Variants in IQSEC1 observed in about 807,000 individuals in gnomAD.
IQSEC1 encodes IQ motif and Sec7 domain ArfGEF 1, also known as IQ motif and SEC7 domain-containing protein 1.
In IQSEC1, 31 loss-of-function variants were observed where a neutral mutation model predicts 91.0. The ratio of observed to expected loss-of-function variants is 0.34; its 90% CI spans 0.26 to 0.46. The LOEUF is 0.46. IQSEC1 is among the 20% of genes least tolerant of loss of function. The pLI, the probability that IQSEC1 is intolerant of heterozygous loss-of-function variation, is 1.00. For synonymous variants in IQSEC1, 699 were observed against 662.6 expected (o/e 1.05, Z -0.84); for missense variants, 1,388 against 1,575.6 (o/e 0.88, Z 2.02).
intron 1 of IQSEC1, among the ~76,000 whole-genome samples, chr3:13,210,338 T>C (rs892999524): frequency 1.3e-5 from 2 of 152,126 alleles, no homozygotes; most frequent in African/African-American, 4.8e-5. Flanking sequence ...CCAGTTCGGC[T>C]TCTCATCTAG....
At chr3:12,966,472 A>C (rs182146766) in intron 1 of IQSEC1, among the ~76,000 whole-genome samples, 4 of 152,332 alleles carry the variant, frequency 2.6e-5, no homozygotes, top group African/African-American at 9.6e-5. Context: ...AAGGGCCTGC[A>C]GATAGCTCAG....
chr3:12,938,551 C>T (rs1056146766), intron 2 of IQSEC1, among the ~76,000 whole-genome samples: 1 of 152,314 alleles, frequency 6.6e-6, no homozygotes. Context: ...TGTTACTGAA[C>T]GCCATCCAAG....
chr3:12,991,921 C>T (rs907595592), intron 1 of IQSEC1, among the ~76,000 whole-genome samples: 3 of 152,082 alleles, frequency 2.0e-5, no homozygotes, highest in African/African-American at 7.2e-5. Context: ...GCTGGAAGGG[C>T]GGGCTGCCAT....
intron 1 of IQSEC1, among the ~76,000 whole-genome samples, chr3:13,011,722 C>T (rs1702891059): frequency 6.6e-6 from 1 of 152,268 alleles, no homozygotes. Flanking sequence ...ACATTTCACA[C>T]CCCTGTTCTG....
chr3:13,099,038 G>A lies in IQSEC1; in HGVS notation c.303-51516C>T, dbSNP rs370025734. ...AAGACATTGGGATAAGAGGACTTTC[G>A]GGGGATGGGGGGAACAGGCCGGGTG... On this transcript the variant is annotated intron_variant, in intron 2 of 15. Coordinates refer to the IQSEC1 transcript ENST00000648114. Among the ~76,000 whole-genome samples the A allele has an allele frequency of 2.0e-3, 309 of 152,322 alleles. 16 individuals carry two copies. The South Asian group carries it at 0.062, about 31-fold the overall frequency.
chr3:13,081,561 G>A (rs1428786621), intron 2 of IQSEC1, among the ~76,000 whole-genome samples: 1 of 152,202 alleles, frequency 6.6e-6, no homozygotes, highest in Non-Finnish European at 1.5e-5. Context: ...GAGCCACCAT[G>A]CCTGGCCTCA....
chr3:13,177,176 T>C (rs1304533318), intron 1 of IQSEC1, among the ~76,000 whole-genome samples: 2 of 152,212 alleles, frequency 1.3e-5, no homozygotes, highest in Non-Finnish European at 2.9e-5. Flanking sequence ...GATTACACAC[T>C]TTAAAAGGGC....
Position 12,922,055 on chromosome 3 carries a change from G to A in IQSEC1, c.1853+65C>T, listed in dbSNP as rs746428201. On this transcript the variant is annotated intron_variant, in intron 5 of 13. Coordinates refer to ENST00000613206, the MANE Select transcript of IQSEC1 (RefSeq NM_001134382.3). This position sits in a 1 kb window ranked among gnomAD's most constrained non-coding sequence, Gnocchi z 5.1. ...GGGATGCAGTCTTTGGTCCATCCTC[G>A]GGCCCTGAAGCTGGGGGACACCATT... The A allele has an allele frequency of 8.0e-6, 12 of 1,494,088 alleles. No homozygotes were observed. Among genetic ancestry groups the A allele is most frequent in the East Asian group, 2.5e-5 (1 of 40,502 alleles). 92.6% of individuals were successfully genotyped at this position (1,494,088 alleles called of 1,614,324 possible).
intron 1 of IQSEC1, among the ~76,000 whole-genome samples, chr3:12,952,987 C>T (rs747199560): frequency 6.6e-6 from 1 of 152,212 alleles, no homozygotes; most frequent in African/African-American, 2.4e-5. Flanking sequence ...GGCACACCAC[C>T]GGAGGCAGAA....
intron 2 of IQSEC1, among the ~76,000 whole-genome samples, chr3:13,133,388 C>T (rs906247447): frequency 1.3e-5 from 2 of 152,254 alleles, no homozygotes; most frequent in Non-Finnish European, 2.9e-5. Flanking sequence ...ATTCCATCAC[C>T]ATGCTCTGGG....
chr3:12,964,797 CCAGA>C (rs924743397), intron 1 of IQSEC1, among the ~76,000 whole-genome samples: 14 of 152,222 alleles, frequency 9.2e-5, no homozygotes, highest in African/African-American at 2.9e-4. Context: ...TATGCAGAGT[CCAGA>C]CAGATAAAAC....
At chr3:13,247,160 G>A (rs994773010) in intron 1 of IQSEC1, among the ~76,000 whole-genome samples, 2 of 152,054 alleles carry the variant, frequency 1.3e-5, no homozygotes, top group African/African-American at 2.4e-5. Context: ...TGCAGGGGAC[G>A]GTTGCTAACT....
chr3:12,945,548 T>C (rs1163107522), intron 1 of IQSEC1, among the ~76,000 whole-genome samples: 1 of 129,598 alleles, frequency 7.7e-6, no homozygotes, highest in Non-Finnish European at 1.7e-5. Context: ...AAAAAAAAAA[T>C]CAAACCCAAC....
chr3:13,200,002 CCA>C (rs1218941694), intron 1 of IQSEC1, among the ~76,000 whole-genome samples: 15 of 150,492 alleles, frequency 1.0e-4, no homozygotes, highest in Non-Finnish European at 1.9e-4. Context: ...CATGCACACA[CCA>C]CACACACACG....
At chr3:13,233,489 C>A (rs1043284176) in intron 1 of IQSEC1, among the ~76,000 whole-genome samples, 2 of 152,234 alleles carry the variant, frequency 1.3e-5, no homozygotes, top group African/African-American at 2.4e-5. Flanking sequence ...CACCTGGGAG[C>A]CTCCTGTGGC....
chr3:13,006,418 C>T (rs1429522121), intron 1 of IQSEC1, among the ~76,000 whole-genome samples: 3 of 152,134 alleles, frequency 2.0e-5, no homozygotes, highest in African/African-American at 7.2e-5. Flanking sequence ...CTAAGGGGAC[C>T]CCCATGTGAG....
intron 1 of IQSEC1, among the ~76,000 whole-genome samples, chr3:13,045,606 C>T (rs143140557): frequency 2.1e-4 from 32 of 152,324 alleles, no homozygotes; most frequent in African/African-American, 6.7e-4. Flanking sequence ...ACCTGCTAGG[C>T]CCCCACACAT....
rs1695821462 is a variant in IQSEC1, at chr3:13,282,838, C to A, written c.145G>T (p.Glu49Ter). ...TGTCGCTCCAGCAGGCCGGCGTTCTCCCGGCTCAGCCGCGCCACTTGGCGC... is the reference window on the plus strand; with the variant it reads ...TGTCGCTCCAGCAGGCCGGCGTTCTACCGGCTCAGCCGCGCCACTTGGCGC... The change falls in exon 1 of 16, where the codon GAG becomes TAG. Residue 49 changes from glutamate (E) to a stop codon, truncating the protein, a stop_gained. Transcript: ENST00000648114. LOFTEE classifies it high-confidence loss of function. This position sits in a 1 kb window ranked among gnomAD's most constrained non-coding sequence, Gnocchi z 6.4. Among the ~76,000 whole-genome samples the A allele has an allele frequency of 6.8e-6, 1 of 147,868 alleles. No homozygotes were observed.
At chr3:12,974,930 T>C (rs1701090533) in intron 1 of IQSEC1, among the ~76,000 whole-genome samples, 1 of 152,350 alleles carries the variant, frequency 6.6e-6, no homozygotes, top group Admixed American at 6.5e-5. Context: ...GTCCCCCGTG[T>C]CCACTCTCTG....
Sources: allele counts gnomAD v4.1 joint callset (sites outside exome capture counted in the v4.1 genomes callset), GRCh38; gene constraint gnomAD v4.1.1; non-coding constraint Gnocchi (gnomAD v3.1); transcripts MANE v1.5; gene names NCBI Gene and HGNC (gene_info 2026-07-23, HGNC 2026-07-21).